The following PCDHGB1 variants were observed in gnomAD, a reference collection of about 807,000 sequenced individuals.
The protein encoded by PCDHGB1 is protocadherin gamma-B1.
Under a neutral mutation model 56.6 loss-of-function variants are expected in PCDHGB1, and 34 were observed. The ratio of observed to expected loss-of-function variants is 0.60; its 90% CI spans 0.46 to 0.80. The LOEUF is 0.80. Ranked by LOEUF, PCDHGB1 falls within the 30% of genes least tolerant of loss-of-function variation. The pLI, the probability that PCDHGB1 is intolerant of heterozygous loss-of-function variation, is 0.00. For synonymous variants in PCDHGB1, 561 were observed against 505.9 expected (o/e 1.11, Z -1.46); for missense variants, 1,278 against 1,204.6 (o/e 1.06, Z -0.90).
chr5:141,448,135 TA>T (rs2098567569), intron 1 of PCDHGB1, among the ~76,000 whole-genome samples: 1 of 151,880 alleles, frequency 6.6e-6, no homozygotes, highest in South Asian at 2.1e-4. Flanking sequence ...CCACCCTCAC[TA>T]TACCTCAGAC....
rs775284049 is a variant in PCDHGB1 at position 141,431,448 on chromosome 5, T to C, written c.2410-63359T>C. On this transcript the variant is annotated intron_variant, in intron 1 of 3. Coordinates refer to ENST00000523390, the MANE Select transcript of PCDHGB1 (RefSeq NM_018922.3). The surrounding 1 kb of genome is among the most constrained non-coding windows in gnomAD (Gnocchi z 4.8). ...CGCACAGGCACCGCGCGCATCCGCG[T>C]GATGGTTCTGGATGCGAACGACAAC... 2.5e-6 allele frequency: 4 copies of C among 1,613,706 alleles called. No individual in the cohort carries two copies. The South Asian group carries it at 4.4e-5, about 18-fold the overall frequency.
At position 141,489,072 on chromosome 5, in the gene PCDHGB1, A is replaced by AC; in HGVS notation, c.2410-5730dup. The AC allele has an allele frequency of 1.3e-5, 2 of 157,710 alleles. No homozygotes were observed. Among genetic ancestry groups the AC allele is most frequent in the Non-Finnish European group, 1.2e-5 (1 of 83,996 alleles). 9.8% of individuals were successfully genotyped at this position (157,710 alleles called of 1,614,324 possible). A position where few individuals can be genotyped will look rare whatever the true frequency, so the allele number is the denominator to read the frequency against. On this transcript the variant is annotated intron_variant, in intron 1 of 3. Transcript: ENST00000523390. This position sits in a 1 kb window ranked among gnomAD's most constrained non-coding sequence, Gnocchi z 4.5. The stretch of plus-strand genomic sequence containing the variant: ...AATTCAGCTCCCCTCCCCCCTGCCC[A>AC]CCCCCGCCACTCGGTGACTAAGAAC...
At position 141,491,711 on chromosome 5, in the gene PCDHGB1, C is replaced by T. The variant is rs528931820; in HGVS notation, c.2410-3096C>T. 1.5e-5 allele frequency: 24 copies of T among 1,609,240 alleles called. No homozygotes were observed. In the African/African-American group the frequency reaches 1.7e-4, roughly 12 times the overall value. On this transcript the variant is annotated intron_variant, in intron 1 of 3. Transcript: ENST00000523390. This position sits in a 1 kb window ranked among gnomAD's most constrained non-coding sequence, Gnocchi z 6.9. ...CGGGAGCGGAGCCAGGTGAGGGGCT[C>T]GGCGCCGCCCCGGGCGACCCCTGGG... is the stretch of plus-strand genomic sequence containing the variant.
At chr5:141,394,290 G>C (rs759077173) in intron 1 of PCDHGB1, 5 of 1,613,918 alleles carry the variant, frequency 3.1e-6, no homozygotes, top group Admixed American at 1.7e-5. Context: ...CTCTGTGACC[G>C]AGGACACGCT....
intron 1 of PCDHGB1, chr5:141,384,825 C>G (rs570988671): frequency 6.2e-7 from 1 of 1,613,356 alleles, no homozygotes; most frequent in Non-Finnish European, 8.5e-7. Context: ...AGCAGAGCCT[C>G]GTGGTGGCCG....
At chr5:141,433,332 T>C (rs1344429296) in intron 1 of PCDHGB1, 7 of 694,580 alleles carry the variant, frequency 1.0e-5, no homozygotes, top group Non-Finnish European at 1.7e-5. Context: ...TAACAGGGAC[T>C]ACAGGTGCAA....
At chr5:141,466,864 C>G (rs925681539) in intron 1 of PCDHGB1, among the ~76,000 whole-genome samples, 24 of 151,910 alleles carry the variant, frequency 1.6e-4, no homozygotes, top group African/African-American at 5.3e-4. Flanking sequence ...TTTTGAAATC[C>G]ACACATTTTT....
chr5:141,483,951 TTG>T (rs1298075162), intron 1 of PCDHGB1, among the ~76,000 whole-genome samples: 2 of 147,758 alleles, frequency 1.4e-5, no homozygotes, highest in Non-Finnish European at 3.0e-5. Flanking sequence ...GTGAATTGTG[TTG>T]TGTTTCTGTG....
Position 141,376,056 on chromosome 5 carries a change from T to C in PCDHGB1, c.2409+23387T>C, listed in dbSNP as rs768295127. 1.1e-5 allele frequency: 18 copies of C among 1,613,354 alleles called. No individual in the cohort carries two copies. In the South Asian group the frequency reaches 1.9e-4, roughly 17 times the overall value. ...GGCCAGCCCCCTCTCTCCGCCACTG[T>C]CACGCTCACCGTGGCCGTGGCCGAC... On this transcript the variant is annotated intron_variant, in intron 1 of 3. Coordinates refer to ENST00000523390, the MANE Select transcript of PCDHGB1 (RefSeq NM_018922.3).
chr5:141,413,804 C>A, intron 1 of PCDHGB1: 7 of 1,613,194 alleles, frequency 4.3e-6, no homozygotes, highest in Non-Finnish European at 5.9e-6. Context: ...GAGGAAGAGG[C>A]CATTCACCAC....
intron 1 of PCDHGB1, chr5:141,366,134 G>T: frequency 6.2e-6 from 10 of 1,614,204 alleles, no homozygotes; most frequent in Non-Finnish European, 8.5e-6. Context: ...AGGCCAGAAC[G>T]CCTGGCTGTC....
chr5:141,433,076 C>G, intron 1 of PCDHGB1: 1 of 1,614,188 alleles, frequency 6.2e-7, no homozygotes, highest in Non-Finnish European at 8.5e-7. Context: ...CTTCCCCCAG[C>G]CCAACTATGC....
At chr5:141,459,490 T>C (rs2098968649) in intron 1 of PCDHGB1, among the ~76,000 whole-genome samples, 1 of 152,236 alleles carries the variant, frequency 6.6e-6, no homozygotes, top group Non-Finnish European at 1.5e-5. Context: ...TATTCTGAAT[T>C]AAAGTGATGT....
chr5:141,403,401 C>T (rs746777998), intron 1 of PCDHGB1: 1 of 1,614,052 alleles, frequency 6.2e-7, no homozygotes, highest in South Asian at 1.1e-5. Context: ...GTTCCTGGAG[C>T]ACGTTATCCA....
Position 141,493,836 on chromosome 5 carries a change from A to G in PCDHGB1, c.2410-971A>G, listed in dbSNP as rs1411929024. Among the ~76,000 whole-genome samples the G allele has an allele frequency of 6.6e-6, 1 of 152,194 alleles. No individual in the cohort carries two copies. Among genetic ancestry groups the G allele is most frequent in the Non-Finnish European group, 1.5e-5 (1 of 68,038 alleles). On this transcript the variant is annotated intron_variant, in intron 1 of 3. Transcript: ENST00000523390. This position sits in a 1 kb window ranked among gnomAD's most constrained non-coding sequence, Gnocchi z 4.3. ...ACACTCTCTGCTTCTGGGAGCAAGT[A>G]TGAGTATTAATTACCAGCCCACCCC...
intron 1 of PCDHGB1, chr5:141,393,283 C>T (rs2150516449): frequency 6.2e-7 from 1 of 1,613,988 alleles, no homozygotes; most frequent in Middle Eastern, 1.6e-4. Flanking sequence ...CTCCCAGAAG[C>T]TGTTGACCCG....
In PCDHGB1 at chr5:141,486,748, T is replaced by C; in HGVS notation, c.2410-8059T>C. ...TTCATGCTACTCGATCCTTTGACTA[T>C]GAGCAAACCCAGACACTGCAGTTTG... is the stretch of plus-strand genomic sequence containing the variant. On this transcript the variant is annotated intron_variant, in intron 1 of 3. Coordinates refer to ENST00000523390, the MANE Select transcript of PCDHGB1 (RefSeq NM_018922.3). The surrounding 1 kb of genome is among the most constrained non-coding windows in gnomAD (Gnocchi z 5.0). 6.2e-7 allele frequency: 1 copy of C among 1,614,230 alleles called. No individual in the cohort carries two copies. The highest frequency in any genetic ancestry group is 8.5e-7 in the Non-Finnish European group (1 of 1,180,042).
chr5:141,395,063 G>A, intron 1 of PCDHGB1: 3 of 1,614,168 alleles, frequency 1.9e-6, no homozygotes, highest in Non-Finnish European at 2.5e-6. Flanking sequence ...AGGCTTTCCT[G>A]CAGACCTATT....
At position 141,352,180 on chromosome 5, in the gene PCDHGB1, C is replaced by T. The variant is rs1348613685; in HGVS notation, c.1920C>T (p.Val640=). Residue 640 remains valine, a synonymous_variant, in exon 1 of 4, where the codon GTC becomes GTT. Transcript: ENST00000523390. The stretch of plus-strand genomic sequence containing the variant: ...ACGCGGCCCGCCAGCGCCTGCTGGT[C>T]GCTGTGCGTGATGGAGGACAGCCGC... ...DRDAARQRLL[V]AVRDGGQPPL... 1 of 1,613,720 alleles carries T rather than the reference C, an allele frequency of 6.2e-7. No homozygotes were observed. The highest frequency in any genetic ancestry group is 1.3e-5 in the African/African-American group (1 of 75,046).
Sources: gnomAD v4.1 joint callset for allele counts (sites outside exome capture counted in the v4.1 genomes callset) on GRCh38, gnomAD v4.1.1 for gene constraint, Gnocchi (gnomAD v3.1) non-coding constraint, MANE v1.5 for transcripts, NCBI Gene and HGNC (gene_info 2026-07-23, HGNC 2026-07-21) for gene names.